Variants in EPM2A observed in about 807,000 individuals in gnomAD.
The protein encoded by EPM2A is EPM2A glucan phosphatase, laforin.
In EPM2A, 21 loss-of-function variants were observed where a neutral mutation model predicts 26.5. The ratio of observed to expected loss-of-function variants is 0.79; its 90% CI spans 0.56 to 1.14. EPM2A has a LOEUF of 1.14. Among genes scored for constraint, EPM2A ranks in the 50% most tolerant of loss-of-function variants. The pLI is 0.00. For synonymous variants in EPM2A, 217 were observed against 177.6 expected (o/e 1.22, Z -1.76); for missense variants, 458 against 440.8 (o/e 1.04, Z -0.35).
At chr6:145,601,252 ATGG>A (rs1241862738) in intron 2 of EPM2A, among the ~76,000 whole-genome samples, 2 of 152,176 alleles carry the variant, frequency 1.3e-5, no homozygotes, top group African/African-American at 2.4e-5. Flanking sequence ...CTACAGACCT[ATGG>A]TGACCATACC....
rs1434304580 is a variant in EPM2A at position 145,407,349 on chromosome 6, G to T, written c.556-23252C>A. Among the ~76,000 whole-genome samples the T allele has an allele frequency of 1.3e-5, 2 of 152,016 alleles. 1 individual carries two copies. The highest frequency in any genetic ancestry group is 4.8e-5 in the African/African-American group (2 of 41,384). Reference sequence around the variant, plus strand: ...TGTATTTGTCATAATATGAGCTCTGGACCTACAACTAAGAGACTCCTGTCA... The same window carrying T: ...TGTATTTGTCATAATATGAGCTCTGTACCTACAACTAAGAGACTCCTGTCA... On this transcript the variant is annotated intron_variant, in intron 4 of 4. Coordinates refer to the EPM2A transcript ENST00000638717.
chr6:145,621,318 C>G (rs1444313569), downstream of EPM2A, among the ~76,000 whole-genome samples: 4 of 152,162 alleles, frequency 2.6e-5, no homozygotes, highest in African/African-American at 4.8e-5. Context: ...TATATATCCA[C>G]CACATTGTCT....
At position 145,694,893 on chromosome 6, in the gene EPM2A, A is replaced by G. The variant is rs751981024; in HGVS notation, c.302-8597T>C. ...AAGAATAAGGGAATTCATCACCACT[A>G]GTCCTGTCTTATGGGAATTATTAAA... On this transcript the variant is annotated intron_variant, in intron 1 of 3. Coordinates refer to ENST00000367519, the MANE Select transcript of EPM2A (RefSeq NM_005670.4). Among the ~76,000 whole-genome samples the G allele has an allele frequency of 1.2e-4, 18 of 152,002 alleles. 1 individual carries two copies. Among genetic ancestry groups the G allele is most frequent in the Non-Finnish European group, 2.2e-4 (15 of 67,878 alleles).
intron 2 of EPM2A, among the ~76,000 whole-genome samples, chr6:145,593,042 T>A (rs1781297078): frequency 6.6e-6 from 1 of 152,124 alleles, no homozygotes; most frequent in East Asian, 1.9e-4. Flanking sequence ...GACCCAACTA[T>A]ACACTGTATT....
At chr6:145,668,664 T>C (rs1417125093) in intron 2 of EPM2A, among the ~76,000 whole-genome samples, 6 of 152,144 alleles carry the variant, frequency 3.9e-5, no homozygotes, top group Admixed American at 3.9e-4. Context: ...TATTGGCTGC[T>C]ATGATCTCAG....
chr6:145,415,456 G>C (rs1257690717), intron 4 of EPM2A, among the ~76,000 whole-genome samples: 1 of 152,148 alleles, frequency 6.6e-6, no homozygotes, highest in Non-Finnish European at 1.5e-5. Context: ...CGTGCACATA[G>C]GATAGCCTTT....
chr6:145,579,454 C>T (rs956299937), intron 2 of EPM2A, among the ~76,000 whole-genome samples: 1 of 152,170 alleles, frequency 6.6e-6, no homozygotes, highest in Non-Finnish European at 1.5e-5. Context: ...ACCTTTATGC[C>T]TGAAAACTTT....
At position 145,652,149 on chromosome 6, in the gene EPM2A, T is replaced by C. The variant is rs567859443; in HGVS notation, c.477-16663A>G. On this transcript the variant is annotated intron_variant, in intron 2 of 3. Transcript: ENST00000367519. The stretch of plus-strand genomic sequence containing the variant: ...TTTTTCCATCGTGTTTTAACAAATA[T>C]CGAAAAGCACTTTCACAAATACAAG... 2.0e-5 allele frequency among the ~76,000 whole-genome samples: 3 copies of C among 152,280 alleles called. No homozygotes were observed. The South Asian group carries it at 6.2e-4, about 32-fold the overall frequency.
chr6:145,529,855 A>C (rs981495576), intron 2 of EPM2A, among the ~76,000 whole-genome samples: 1 of 152,202 alleles, frequency 6.6e-6, no homozygotes, highest in African/African-American at 2.4e-5. Context: ...TTAAATTTAC[A>C]TGAAACAAAG....
chr6:145,592,523 C>T, intron 2 of EPM2A, among the ~76,000 whole-genome samples: 1 of 152,088 alleles, frequency 6.6e-6, no homozygotes, highest in Non-Finnish European at 1.5e-5. Flanking sequence ...TGGGTATATA[C>T]CCAGTAATGG....
chr6:145,528,592 T>A (rs1380262857), intron 2 of EPM2A, among the ~76,000 whole-genome samples: 1 of 152,144 alleles, frequency 6.6e-6, no homozygotes, highest in Non-Finnish European at 1.5e-5. Context: ...GGAGACCTAC[T>A]GCTCAAGAAA....
At chr6:145,549,028 T>C in intron 2 of EPM2A, among the ~76,000 whole-genome samples, 2 of 152,150 alleles carry the variant, frequency 1.3e-5, no homozygotes, top group African/African-American at 2.4e-5. Flanking sequence ...TTACAAGGAA[T>C]AGAGATACCT....
intron 2 of EPM2A, chr6:145,638,308 C>T (rs1776845991): frequency 6.6e-6 from 1 of 152,104 alleles, no homozygotes; most frequent in South Asian, 2.1e-4. Context: ...GACATTTGAG[C>T]CTGCAATATA....
At chr6:145,514,763 A>G (rs922161470) in intron 2 of EPM2A, among the ~76,000 whole-genome samples, 1 of 152,190 alleles carries the variant, frequency 6.6e-6, no homozygotes, top group Non-Finnish European at 1.5e-5. Context: ...ACTGCACTCG[A>G]CAGTCTCTCT....
At chr6:145,557,306 A>G (rs1374753322) in intron 2 of EPM2A, among the ~76,000 whole-genome samples, 1 of 152,120 alleles carries the variant, frequency 6.6e-6, no homozygotes. Context: ...TACGATGTAC[A>G]CTATTTGCAT....
At chr6:145,635,728 A>C (rs1582936109) in intron 2 of EPM2A, 1 of 484,394 alleles carries the variant, frequency 2.1e-6, no homozygotes, top group Admixed American at 3.3e-5. Flanking sequence ...TTGCAAACCA[A>C]ATCAAGCAAT....
chr6:145,431,087 CAAG>C (rs1476396730), intron 4 of EPM2A, among the ~76,000 whole-genome samples: 1 of 152,010 alleles, frequency 6.6e-6, no homozygotes, highest in African/African-American at 2.4e-5. Flanking sequence ...TGTATGTCAA[CAAG>C]AAGAACAAAT....
chr6:145,494,813 G>A (rs367693), intron 4 of EPM2A, among the ~76,000 whole-genome samples: 40,694 of 151,944 alleles, frequency 0.27, 5,939 homozygotes, highest in South Asian at 0.38. Flanking sequence ...GCTTAATCAT[G>A]GTTTCTAATT....
intron 2 of EPM2A, among the ~76,000 whole-genome samples, chr6:145,529,592 G>A (rs1002684154): frequency 6.6e-6 from 1 of 152,184 alleles, no homozygotes; most frequent in African/African-American, 2.4e-5. Flanking sequence ...ATAGTATAGT[G>A]TAACCCTAAC....
Sources: allele counts gnomAD v4.1 joint callset (sites outside exome capture counted in the v4.1 genomes callset), GRCh38; gene constraint gnomAD v4.1.1; transcripts MANE v1.5; gene names NCBI Gene and HGNC (gene_info 2026-07-23, HGNC 2026-07-21).